The following PACSIN1 variants were observed in gnomAD, a reference collection of about 807,000 sequenced individuals.
The protein encoded by PACSIN1 is protein kinase C and casein kinase substrate in neurons 1, also known as protein kinase C and casein kinase substrate in neurons protein 1.
In PACSIN1, 15 loss-of-function variants were observed where a neutral mutation model predicts 59.5. The observed-to-expected ratio is 0.25, with a 90% CI of 0.17 to 0.39. The LOEUF is 0.39. PACSIN1 is among the 10% of genes least tolerant of loss of function. The pLI is 1.00. For missense variants in PACSIN1, 420 were observed against 580.2 expected, an observed-to-expected ratio of 0.72 and a Z score of 2.84; for synonymous variants, 210 against 220.6, an observed-to-expected ratio of 0.95 and a Z score of 0.42.
At chr6:34,487,089 G>A (rs890935522) in intron 1 of PACSIN1, among the ~76,000 whole-genome samples, 7 of 151,858 alleles carry the variant, frequency 4.6e-5, no homozygotes, top group South Asian at 2.1e-4. Flanking sequence ...AGGATCAGCC[G>A]AGCCCAGGGA....
chr6:34,530,659 G>A lies in PACSIN1; in HGVS notation c.1037+72G>A. On this transcript the variant is annotated intron_variant, in intron 8 of 9. Transcript: ENST00000244458. The surrounding 1 kb of genome is among the most constrained non-coding windows in gnomAD (Gnocchi z 4.4). ...TCTGGGGCAGCTGAGTTTTGCTTCA[G>A]AAGACAAGAAATGGTCTAGATCATA... 7.0e-7 allele frequency: 1 copy of A among 1,431,358 alleles called. No individual in the cohort carries two copies. Among genetic ancestry groups the A allele is most frequent in the Non-Finnish European group, 9.3e-7 (1 of 1,080,234 alleles). The allele number at this position is 1,431,358 out of a possible 1,614,324, so 88.7% of individuals were successfully genotyped here.
chr6:34,473,805 A>G (rs746845864), intron 1 of PACSIN1, among the ~76,000 whole-genome samples: 41 of 152,238 alleles, frequency 2.7e-4, no homozygotes, highest in Admixed American at 5.9e-4. Context: ...CTTAGCATCA[A>G]CAGATACCAA....
At chr6:34,479,148 A>C (rs1196065387) in intron 1 of PACSIN1, among the ~76,000 whole-genome samples, 2 of 152,186 alleles carry the variant, frequency 1.3e-5, no homozygotes, top group African/African-American at 4.8e-5. Context: ...ACACAGCCAC[A>C]TTGGGAATCA....
chr6:34,527,537 C>A (rs1309043187), intron 3 of PACSIN1, 49 bp downstream of exon 3: 2 of 1,514,192 alleles, frequency 1.3e-6, no homozygotes, highest in East Asian at 2.5e-5. Context: ...GTCACGAGCC[C>A]CCTAGGTCTG....
At chr6:34,481,031 G>A (rs1051998131) in intron 1 of PACSIN1, among the ~76,000 whole-genome samples, 1 of 151,622 alleles carries the variant, frequency 6.6e-6, no homozygotes, top group East Asian at 1.9e-4. Flanking sequence ...TCTTTGGCCA[G>A]TGGGAACTTC....
At chr6:34,478,013 A>T (rs1581957534) in intron 1 of PACSIN1, among the ~76,000 whole-genome samples, 1 of 146,562 alleles carries the variant, frequency 6.8e-6, no homozygotes, top group Non-Finnish European at 1.5e-5. Flanking sequence ...TCAGCCTCCC[A>T]AAGTGCTGGG....
At chr6:34,528,397 T>C (rs60516182) in intron 3 of PACSIN1, among the ~76,000 whole-genome samples, 41,613 of 152,048 alleles carry the variant, frequency 0.27, 8,279 homozygotes, top group African/African-American at 0.56. Context: ...GAGGGAGGTA[T>C]GGCCGCAGAT....
chr6:34,466,512 A>ATGC (rs1766499067), intron 1 of PACSIN1, among the ~76,000 whole-genome samples: 1 of 152,084 alleles, frequency 6.6e-6, no homozygotes, highest in African/African-American at 2.4e-5. Context: ...TGGGGGAGCG[A>ATGC]GCTGGCATCG....
At chr6:34,524,319 G>C (rs901694204) in intron 1 of PACSIN1, among the ~76,000 whole-genome samples, 6 of 152,060 alleles carry the variant, frequency 3.9e-5, no homozygotes, top group Non-Finnish European at 8.8e-5. Flanking sequence ...CAGGCCAGAG[G>C]GTTTAAAAAA....
In PACSIN1 at chr6:34,529,540, G is replaced by A; in HGVS notation, c.600G>A (p.Gln200=). 1 of 1,614,156 alleles carries A rather than the reference G, an allele frequency of 6.2e-7. No homozygotes were observed. Among genetic ancestry groups the A allele is most frequent in the Non-Finnish European group, 8.5e-7 (1 of 1,180,020 alleles). The change falls in exon 5 of 10, where the codon CAG becomes CAA. Residue 200 remains glutamine, a synonymous_variant. Transcript: ENST00000244458. The surrounding 1 kb of genome is among the most constrained non-coding windows in gnomAD (Gnocchi z 6.3). ...KLQDKVDKCK[Q]DVQKTQEKYE... Reference sequence around the variant, plus strand: ...AGGACAAAGTGGACAAGTGCAAGCAGGATGTGCAGAAGGTGCTGGCGGGCA... The same window carrying A: ...AGGACAAAGTGGACAAGTGCAAGCAAGATGTGCAGAAGGTGCTGGCGGGCA...
Position 34,529,689 on chromosome 6 carries a change from G to T in PACSIN1, c.636G>T (p.Val212=). The change falls in exon 6 of 10, where the codon GTG becomes GTT. Residue 212 remains valine, a synonymous_variant. Transcript: ENST00000244458. This position sits in a 1 kb window ranked among gnomAD's most constrained non-coding sequence, Gnocchi z 6.3. The stretch of plus-strand genomic sequence containing the variant: ...AGACACAGGAGAAGTATGAGAAAGT[G>T]CTGGAAGATGTGGGCAAGACCACAC... ...VQKTQEKYEK[V]LEDVGKTTPQ... 1 of 1,614,168 alleles carries T rather than the reference G, an allele frequency of 6.2e-7. No individual in the cohort carries two copies. The highest frequency in any genetic ancestry group is 8.5e-7 in the Non-Finnish European group (1 of 1,180,034).
intron 1 of PACSIN1, among the ~76,000 whole-genome samples, chr6:34,512,569 G>A (rs1438658012): frequency 6.6e-6 from 1 of 152,168 alleles, no homozygotes; most frequent in Non-Finnish European, 1.5e-5. Context: ...TCCTGGCCTA[G>A]GCCTTGACCT....
At position 34,516,378 on chromosome 6, in the gene PACSIN1, G is replaced by A. The variant is rs1767291859; in HGVS notation, c.-63-9865G>A. Among the ~76,000 whole-genome samples the A allele has an allele frequency of 6.6e-6, 1 of 152,200 alleles. No individual in the cohort carries two copies. Among genetic ancestry groups the A allele is most frequent in the South Asian group, 2.1e-4 (1 of 4,836 alleles). ...GGATCAAGGGCCTAGGAGGGAGAAG[G>A]GCAGGTCTCGGGGATGGCAGAAACG... On this transcript the variant is annotated intron_variant, in intron 1 of 9. Coordinates refer to ENST00000244458, the MANE Select transcript of PACSIN1 (RefSeq NM_020804.5). The surrounding 1 kb of genome is among the most constrained non-coding windows in gnomAD (Gnocchi z 5.4).
intron 1 of PACSIN1, among the ~76,000 whole-genome samples, chr6:34,497,302 A>G (rs1164968815): frequency 6.6e-6 from 1 of 152,152 alleles, no homozygotes; most frequent in Non-Finnish European, 1.5e-5. Flanking sequence ...GATGGAATAT[A>G]TAACTGACAT....
At chr6:34,527,984 A>G (rs1767520259) in intron 3 of PACSIN1, among the ~76,000 whole-genome samples, 1 of 152,234 alleles carries the variant, frequency 6.6e-6, no homozygotes, top group Admixed American at 6.5e-5. Context: ...TACCATGGCA[A>G]TTGCGCTTGC....
intron 1 of PACSIN1, among the ~76,000 whole-genome samples, chr6:34,504,706 G>A (rs6457780): frequency 1 from 151,634 of 152,328 alleles, 75,477 homozygotes; most frequent in Middle Eastern, 1. Flanking sequence ...CTCCTCCCCA[G>A]TGTTCCAGGA....
chr6:34,483,721 C>T (rs1040268667), intron 1 of PACSIN1, among the ~76,000 whole-genome samples: 1 of 146,066 alleles, frequency 6.8e-6, no homozygotes, highest in African/African-American at 2.5e-5. Context: ...TCTTGGCTCA[C>T]TGCAACCTCC....
In PACSIN1 at chr6:34,491,736, C is replaced by T. The variant is rs148982268; in HGVS notation, c.-64+25466C>T. Among the ~76,000 whole-genome samples the T allele has an allele frequency of 1.5e-3, 223 of 152,040 alleles. 1 individual carries two copies. Among genetic ancestry groups the T allele is most frequent in the African/African-American group, 4.6e-3 (190 of 41,472 alleles). ...AAGTGATTCTCCTGCCTCAGCTTCC[C>T]GAATAGCTGGGATTACAGGCACCCG... On this transcript the variant is annotated intron_variant, in intron 1 of 9. Transcript: ENST00000244458.
chr6:34,467,644 T>C (rs1481043446), intron 1 of PACSIN1, among the ~76,000 whole-genome samples: 3 of 147,794 alleles, frequency 2.0e-5, no homozygotes, highest in Non-Finnish European at 4.5e-5. Context: ...CCGCAACCTC[T>C]GCCTCCCGGG....
Sources: allele counts gnomAD v4.1 joint callset (sites outside exome capture counted in the v4.1 genomes callset), GRCh38; gene constraint gnomAD v4.1.1; non-coding constraint Gnocchi (gnomAD v3.1); transcripts MANE v1.5; gene names NCBI Gene and HGNC (gene_info 2026-07-23, HGNC 2026-07-21).